The following DPYD variants were observed in gnomAD, a reference collection of about 807,000 sequenced individuals.
DPYD encodes the protein dihydropyrimidine dehydrogenase, also known as dihydropyrimidine dehydrogenase [NADP(+)].
In DPYD, 109 loss-of-function variants were observed where a neutral mutation model predicts 116.2. That is an observed-to-expected ratio of 0.94 (90% CI 0.80 to 1.10). DPYD has a LOEUF of 1.10. DPYD is among the 50% of genes least tolerant of loss of function. The pLI is 0.00. For missense variants in DPYD, 1,302 were observed against 1,254.5 expected, an observed-to-expected ratio of 1.04 and a Z score of -0.57; for synonymous variants, 440 against 432.0, an observed-to-expected ratio of 1.02 and a Z score of -0.23.
chr1:97,872,405 C>T (rs1671700157), intron 2 of DPYD, among the ~76,000 whole-genome samples: 1 of 151,912 alleles, frequency 6.6e-6, no homozygotes, highest in Non-Finnish European at 1.5e-5. Context: ...AGGCTGATGG[C>T]TGACAATTAC....
At chr1:97,311,434 T>A (rs1051986270) in intron 16 of DPYD, among the ~76,000 whole-genome samples, 9 of 151,782 alleles carry the variant, frequency 5.9e-5, no homozygotes, top group South Asian at 2.1e-4. Context: ...TATGAACACC[T>A]TTCACATTTT....
At chr1:97,752,868 G>T (rs1182643999) in intron 3 of DPYD, among the ~76,000 whole-genome samples, 1 of 152,084 alleles carries the variant, frequency 6.6e-6, no homozygotes, top group East Asian at 1.9e-4. Flanking sequence ...AAAATGGTTG[G>T]GTTCCTCTGT....
chr1:97,309,237 A>T (rs977647254), intron 16 of DPYD, among the ~76,000 whole-genome samples: 1 of 151,806 alleles, frequency 6.6e-6, no homozygotes, highest in Non-Finnish European at 1.5e-5. Context: ...AAAAACGTCT[A>T]CGTAGATCAC....
Position 97,198,171 on chromosome 1 carries a change from G to A in DPYD, c.2443-4923C>T, listed in dbSNP as rs190916087. 9.7e-4 allele frequency among the ~76,000 whole-genome samples: 148 copies of A among 152,162 alleles called. 1 individual carries two copies. Among genetic ancestry groups the A allele is most frequent in the Middle Eastern group, 3.4e-3 (1 of 294 alleles). ...GAGTGGGATCCTGGAGTGAGATCCT[G>A]CATTGGCCAAATTTTCGGGGGATGC... is the stretch of plus-strand genomic sequence containing the variant. On this transcript the variant is annotated intron_variant, in intron 19 of 22. Coordinates refer to ENST00000370192, the MANE Select transcript of DPYD (RefSeq NM_000110.4).
chr1:97,402,734 T>G (rs1289320095), intron 14 of DPYD, among the ~76,000 whole-genome samples: 3 of 152,124 alleles, frequency 2.0e-5, no homozygotes, highest in Non-Finnish European at 4.4e-5. Flanking sequence ...AAATGTGATA[T>G]TAGCTGAAGG....
chr1:97,718,327 G>A (rs776366869), intron 5 of DPYD, among the ~76,000 whole-genome samples: 19 of 149,686 alleles, frequency 1.3e-4, no homozygotes, highest in Non-Finnish European at 2.2e-4. Context: ...TTTTTTTCTC[G>A]CTGATTTGTT....
At chr1:97,147,980 C>T (rs565375182) in intron 20 of DPYD, among the ~76,000 whole-genome samples, 26 of 152,166 alleles carry the variant, frequency 1.7e-4, no homozygotes, top group Non-Finnish European at 3.1e-4. Context: ...ATTGTAGAGG[C>T]ACAGGTTTGA....
rs1334963267 is a variant in DPYD at position 97,450,201 on chromosome 1, G to C, written c.1763C>G (p.Pro588Arg). Reference protein sequence around the residue: ...LDKDIVTNVSPRIIRGTTSGP... With the variant: ...LDKDIVTNVSRRIIRGTTSGP... The stretch of plus-strand genomic sequence containing the variant: ...AGAGGTGGTTCCCCGGATGATTCTG[G>C]GGGAAACATTTGTCACAATGTCCTG... The change falls in exon 14 of 23, where the codon CCC (proline) becomes CGC (arginine). Residue 588 changes from proline (P) to arginine (R), a missense_variant. Physicochemically the swap from Pro to Arg is moderately radical, Grantham distance 103 (BLOSUM62 -2). Transcript: ENST00000370192. The C allele has an allele frequency of 6.2e-7, 1 of 1,613,518 alleles. No homozygotes were observed. The highest frequency in any genetic ancestry group is 8.5e-7 in the Non-Finnish European group (1 of 1,179,730).
At chr1:97,257,863 T>G (rs1247140637) in intron 18 of DPYD, among the ~76,000 whole-genome samples, 1 of 152,090 alleles carries the variant, frequency 6.6e-6, no homozygotes, top group East Asian at 1.9e-4. Context: ...TATAAATAAC[T>G]TATTATAATG....
chr1:97,746,924 T>C (rs1046809484), intron 3 of DPYD, among the ~76,000 whole-genome samples: 2 of 151,704 alleles, frequency 1.3e-5, no homozygotes, highest in Non-Finnish European at 2.9e-5. Context: ...ATTTTTTTTG[T>C]TGTTGTTAGT....
chr1:97,442,789 A>G (rs1001868087), intron 14 of DPYD, among the ~76,000 whole-genome samples: 1 of 152,172 alleles, frequency 6.6e-6, no homozygotes, highest in African/African-American at 2.4e-5. Flanking sequence ...GTATAAAACC[A>G]CTAGTTCACC....
chr1:97,207,975 T>G (rs1420213753), intron 19 of DPYD, among the ~76,000 whole-genome samples: 1 of 152,204 alleles, frequency 6.6e-6, no homozygotes, highest in Non-Finnish European at 1.5e-5. Flanking sequence ...TGAGCAAATT[T>G]GTACAAATAT....
chr1:97,662,586 T>A (rs1659571480), intron 8 of DPYD, among the ~76,000 whole-genome samples: 1 of 152,028 alleles, frequency 6.6e-6, no homozygotes, highest in East Asian at 2.0e-4. Context: ...TGAGCTGAGA[T>A]CGCACCACTG....
chr1:97,435,751 A>G (rs1675438483), intron 14 of DPYD, among the ~76,000 whole-genome samples: 1 of 151,950 alleles, frequency 6.6e-6, no homozygotes, highest in Non-Finnish European at 1.5e-5. Context: ...CCTCAGGGGG[A>G]AAATGTGAAA....
At chr1:97,874,412 T>C (rs760107537) in intron 2 of DPYD, among the ~76,000 whole-genome samples, 1 of 151,960 alleles carries the variant, frequency 6.6e-6, no homozygotes, top group African/African-American at 2.4e-5. Flanking sequence ...ATGCCACTTA[T>C]GTTTACATAA....
chr1:97,814,976 CAA>C (rs946237759), intron 3 of DPYD, among the ~76,000 whole-genome samples: 5 of 66,134 alleles, frequency 7.6e-5, no homozygotes, highest in African/African-American at 1.8e-4. Context: ...GAAAGAAAGA[CAA>C]AGAGAGAAAG....
chr1:97,589,016 C>A (rs1571014750), intron 10 of DPYD, among the ~76,000 whole-genome samples: 1 of 152,136 alleles, frequency 6.6e-6, no homozygotes, highest in African/African-American at 2.4e-5. Flanking sequence ...AATGCAAATT[C>A]TCAGACCCAC....
chr1:97,677,559 T>C (rs1660211247), intron 8 of DPYD, among the ~76,000 whole-genome samples: 1 of 152,154 alleles, frequency 6.6e-6, no homozygotes, highest in Admixed American at 6.5e-5. Context: ...AAATATAGTA[T>C]GCCTAAAAAT....
chr1:97,722,764 C>T (rs965713450), intron 4 of DPYD, among the ~76,000 whole-genome samples: 2 of 151,432 alleles, frequency 1.3e-5, no homozygotes, highest in African/African-American at 2.4e-5. Context: ...TATTTATTGA[C>T]TCTTTAATAT....
Sources: gnomAD v4.1 joint callset for allele counts (sites outside exome capture counted in the v4.1 genomes callset) on GRCh38, gnomAD v4.1.1 for gene constraint, MANE v1.5 for transcripts, NCBI Gene and HGNC (gene_info 2026-07-23, HGNC 2026-07-21) for gene names.